Variants in CIMAP3 observed in about 807,000 individuals in gnomAD.
CIMAP3 encodes ciliary microtubule-associated protein 3.
chr1:111,327,397 C>T, the CIMAP3 span, among the ~76,000 whole-genome samples: 1 of 151,996 alleles, frequency 6.6e-6, no homozygotes, highest in South Asian at 2.1e-4. Flanking sequence ...GTCCCTCCTC[C>T]TCAATTTTTT....
At chr1:111,333,329 T>C in the CIMAP3 span, among the ~76,000 whole-genome samples, 1 of 152,032 alleles carries the variant, frequency 6.6e-6, no homozygotes, top group Admixed American at 6.5e-5. Context: ...GGAATAAAGA[T>C]GGAGCGCAGT....
chr1:111,348,160 C>A, the CIMAP3 span, among the ~76,000 whole-genome samples: 16 of 152,130 alleles, frequency 1.1e-4, no homozygotes, highest in Non-Finnish European at 1.9e-4. Context: ...AGTAGGGGAT[C>A]CTAATCTCTT....
chr1:111,349,955 G>C, the CIMAP3 span: 2 of 604,626 alleles, frequency 3.3e-6, no homozygotes, highest in Middle Eastern at 8.0e-4. Flanking sequence ...TACATTAACA[G>C]GTAAAGGAAT....
chr1:111,326,889 CT>C, the CIMAP3 span, among the ~76,000 whole-genome samples: 2 of 152,070 alleles, frequency 1.3e-5, no homozygotes, highest in Non-Finnish European at 2.9e-5. Context: ...TCTTTGTCTT[CT>C]TTTGAAAATT....
At chr1:111,336,074 G>T in the CIMAP3 span, among the ~76,000 whole-genome samples, 2 of 152,236 alleles carry the variant, frequency 1.3e-5, no homozygotes, top group African/African-American at 4.8e-5. Context: ...CACCACTGCT[G>T]ATACCTAGGC....
the CIMAP3 span, among the ~76,000 whole-genome samples, chr1:111,335,340 C>G: frequency 6.6e-6 from 1 of 152,186 alleles, no homozygotes; most frequent in Admixed American, 6.5e-5. Flanking sequence ...GAGTGCCAGA[C>G]AGAGGGCACA....
chr1:111,348,563 G>C, the CIMAP3 span: 1 of 1,611,934 alleles, frequency 6.2e-7, no homozygotes, highest in Non-Finnish European at 8.5e-7. Flanking sequence ...GTCCTCAGCA[G>C]GAAAAACACA....
chr1:111,337,378 C>A, the CIMAP3 span, among the ~76,000 whole-genome samples: 1 of 152,098 alleles, frequency 6.6e-6, no homozygotes, highest in African/African-American at 2.4e-5. Context: ...GGACTAAATG[C>A]TCCAATTAAA....
At chr1:111,326,523 T>A in the CIMAP3 span, among the ~76,000 whole-genome samples, 1 of 152,204 alleles carries the variant, frequency 6.6e-6, no homozygotes, top group Non-Finnish European at 1.5e-5. Flanking sequence ...GTATATATAC[T>A]ACATTTTCTC....
At chr1:111,344,242 A>C in the CIMAP3 span, among the ~76,000 whole-genome samples, 5 of 152,242 alleles carry the variant, frequency 3.3e-5, no homozygotes, top group African/African-American at 1.2e-4. Context: ...ATTGGTGTAA[A>C]GCTGAACTTC....
chr1:111,351,518 C>T, the CIMAP3 span: 4 of 431,424 alleles, frequency 9.3e-6, no homozygotes, highest in Non-Finnish European at 1.6e-5. Context: ...CATCTACTGA[C>T]TTGTGGTGTA....
chr1:111,352,485 A>C, the CIMAP3 span: 1 of 152,656 alleles, frequency 6.6e-6, no homozygotes, highest in Non-Finnish European at 1.5e-5. Context: ...AATTCCTTAA[A>C]GGCCAAGGTC....
chr1:111,325,196 T>G, the CIMAP3 span, among the ~76,000 whole-genome samples: 1 of 152,188 alleles, frequency 6.6e-6, no homozygotes, highest in Non-Finnish European at 1.5e-5. Flanking sequence ...TATAGGTTAG[T>G]CCCTCACTGT....
chr1:111,342,498 G>A, the CIMAP3 span, among the ~76,000 whole-genome samples: 2 of 152,318 alleles, frequency 1.3e-5, no homozygotes, highest in South Asian at 4.1e-4. Flanking sequence ...GAGAAGGCCA[G>A]CTAGGGGTTT....
the CIMAP3 span, among the ~76,000 whole-genome samples, chr1:111,326,016 G>GT: frequency 7.9e-5 from 12 of 152,042 alleles, no homozygotes; most frequent in Non-Finnish European, 1.5e-4. Flanking sequence ...TAAACATGCT[G>GT]TTTTTTTACT....
At chr1:111,348,658 C>G in the CIMAP3 span, 9 of 1,568,050 alleles carry the variant, frequency 5.7e-6, no homozygotes, top group Non-Finnish European at 7.7e-6. Context: ...TATGTCTCCT[C>G]CCTTTTGGTG....
chr1:111,347,014 T>C, the CIMAP3 span: 118 of 1,613,950 alleles, frequency 7.3e-5, no homozygotes, highest in African/African-American at 1.4e-3. Context: ...TCTTAGGGGA[T>C]CACCCCACAG....
the CIMAP3 span, chr1:111,348,451 G>T: frequency 7.2e-7 from 1 of 1,389,216 alleles, no homozygotes; most frequent in Non-Finnish European, 9.6e-7. Flanking sequence ...TTTCTACCTG[G>T]AAGGCTTTAT....
the CIMAP3 span, among the ~76,000 whole-genome samples, chr1:111,328,071 G>A: frequency 2.0e-5 from 3 of 152,250 alleles, no homozygotes; most frequent in East Asian, 3.9e-4. Flanking sequence ...TATTTTCAAA[G>A]AACTTCTTGA....
Sources: gnomAD v4.1 joint callset for allele counts (sites outside exome capture counted in the v4.1 genomes callset) on GRCh38, gnomAD v4.1.1 for gene constraint, MANE v1.5 for transcripts, NCBI Gene and HGNC (gene_info 2026-07-23, HGNC 2026-07-21) for gene names.